The following TBC1D19 variants were observed in gnomAD, a reference collection of about 807,000 sequenced individuals.
The protein encoded by TBC1D19 is TBC1 domain family member 19, also known as TBC1 domain family, member 19.
TBC1D19 carries 60 observed loss-of-function variants against 89.0 expected under a neutral mutation model. That is an observed-to-expected ratio of 0.67 (90% CI 0.55 to 0.84). The LOEUF (loss-of-function observed/expected upper bound fraction) is 0.84. Among genes scored for constraint, TBC1D19 ranks in the 40% least tolerant of loss-of-function variants. TBC1D19 has a pLI of 0.00. For synonymous variants in TBC1D19, 189 were observed against 199.7 expected (o/e 0.95, Z 0.45); for missense variants, 500 against 610.8 (o/e 0.82, Z 1.91).
At chr4:26,726,551 A>C (rs1362390395) in intron 15 of TBC1D19, among the ~76,000 whole-genome samples, 2 of 152,240 alleles carry the variant, frequency 1.3e-5, no homozygotes, top group African/African-American at 4.8e-5. Context: ...AAATAGAGTA[A>C]CAAAACCATA....
chr4:26,726,095 G>C (rs543723312), intron 15 of TBC1D19, among the ~76,000 whole-genome samples: 3 of 149,508 alleles, frequency 2.0e-5, no homozygotes, highest in Admixed American at 6.7e-5. Flanking sequence ...GTACTCTAGA[G>C]CAGTAATTCT....
intron 15 of TBC1D19, among the ~76,000 whole-genome samples, chr4:26,730,873 T>G (rs918129669): frequency 9.9e-5 from 15 of 152,186 alleles, no homozygotes; most frequent in Non-Finnish European, 1.8e-4. Context: ...AAAGAGAACA[T>G]GCAGGCTCTG....
intron 15 of TBC1D19, among the ~76,000 whole-genome samples, chr4:26,728,838 C>T (rs1208381291): frequency 6.6e-6 from 1 of 151,892 alleles, no homozygotes; most frequent in Non-Finnish European, 1.5e-5. Context: ...ATGGTGAAAC[C>T]CCGTCTCTAC....
chr4:26,821,023 T>C, the TBC1D19 span, among the ~76,000 whole-genome samples: 1 of 152,246 alleles, frequency 6.6e-6, no homozygotes, highest in African/African-American at 2.4e-5. Flanking sequence ...TCTGTATCCC[T>C]CTGGCCCCTA....
intron 13 of TBC1D19, among the ~76,000 whole-genome samples, chr4:26,696,465 C>T (rs919068069): frequency 6.6e-6 from 1 of 152,158 alleles, no homozygotes; most frequent in Non-Finnish European, 1.5e-5. Context: ...AGAAAGTTAG[C>T]AAGGATATCC....
chr4:26,787,032 G>C, the TBC1D19 span, among the ~76,000 whole-genome samples: 1 of 151,902 alleles, frequency 6.6e-6, no homozygotes, highest in Non-Finnish European at 1.5e-5. Flanking sequence ...CAAGCTTGTT[G>C]AGAAAATTGA....
chr4:26,734,777 G>T (rs1717860287), intron 15 of TBC1D19, among the ~76,000 whole-genome samples: 1 of 152,038 alleles, frequency 6.6e-6, no homozygotes, highest in Non-Finnish European at 1.5e-5. Flanking sequence ...TGTTTCAGGA[G>T]GGACATAATC....
At chr4:26,646,827 C>T (rs189844556) in intron 7 of TBC1D19, among the ~76,000 whole-genome samples, 3 of 152,192 alleles carry the variant, frequency 2.0e-5, no homozygotes, top group East Asian at 3.9e-4. Flanking sequence ...AGGAGAAATA[C>T]CTAATGTAAA....
chr4:26,593,979 C>T (rs1375936427), intron 1 of TBC1D19, among the ~76,000 whole-genome samples: 1 of 152,168 alleles, frequency 6.6e-6, no homozygotes, highest in African/African-American at 2.4e-5. Flanking sequence ...ACCCAGCCAT[C>T]CCATTACTGG....
intron 1 of TBC1D19, 35 bp downstream of exon 1, chr4:26,584,327 G>C: frequency 6.4e-7 from 1 of 1,571,536 alleles, no homozygotes; most frequent in Non-Finnish European, 8.7e-7. Context: ...ATGCAGACGG[G>C]CGGGGCCGCG....
the TBC1D19 span, among the ~76,000 whole-genome samples, chr4:26,841,442 G>A: frequency 6.6e-6 from 1 of 151,512 alleles, no homozygotes; most frequent in African/African-American, 2.4e-5. Context: ...TACCCCCTGT[G>A]ATCCAAGTCC....
intron 7 of TBC1D19, among the ~76,000 whole-genome samples, chr4:26,656,678 C>T (rs1744840818): frequency 1.3e-5 from 2 of 151,948 alleles, no homozygotes; most frequent in South Asian, 4.2e-4. Flanking sequence ...CCTGCCTCAG[C>T]CTCCCGAGTA....
At chr4:26,748,042 G>A (rs1043270692) in intron 18 of TBC1D19, among the ~76,000 whole-genome samples, 5 of 151,958 alleles carry the variant, frequency 3.3e-5, no homozygotes, top group African/African-American at 9.7e-5. Flanking sequence ...CAAGTATTTT[G>A]AATAAAAATT....
intron 13 of TBC1D19, among the ~76,000 whole-genome samples, chr4:26,717,168 C>G (rs1163541365): frequency 6.6e-6 from 1 of 152,036 alleles, no homozygotes; most frequent in Non-Finnish European, 1.5e-5. Flanking sequence ...GCTAGTTCAG[C>G]CTGACTCTGT....
At chr4:26,615,310 T>C (rs1170649426) in intron 3 of TBC1D19, among the ~76,000 whole-genome samples, 2 of 152,190 alleles carry the variant, frequency 1.3e-5, no homozygotes, top group Admixed American at 1.3e-4. Flanking sequence ...TCTCCAACAT[T>C]CTGTTACTTG....
chr4:26,577,695 C>A (rs973591878), intron 1 of TBC1D19, among the ~76,000 whole-genome samples: 8 of 152,122 alleles, frequency 5.3e-5, no homozygotes, highest in African/African-American at 1.9e-4. Context: ...GAAGACACAA[C>A]AGGGCATGTT....
chr4:26,786,416 C>T, the TBC1D19 span, among the ~76,000 whole-genome samples: 4 of 152,178 alleles, frequency 2.6e-5, no homozygotes, highest in East Asian at 3.9e-4. Context: ...AGGTGGATCA[C>T]GAGGTCAGGA....
intron 1 of TBC1D19, among the ~76,000 whole-genome samples, chr4:26,600,274 G>A (rs1740507316): frequency 6.6e-6 from 1 of 152,172 alleles, no homozygotes; most frequent in African/African-American, 2.4e-5. Flanking sequence ...ACCATGGAGT[G>A]CTGTGATACT....
chr4:26,786,983 C>T, the TBC1D19 span, among the ~76,000 whole-genome samples: 45 of 152,120 alleles, frequency 3.0e-4, no homozygotes, highest in Non-Finnish European at 5.1e-4. Flanking sequence ...CAAACACAAT[C>T]GCCTCACTTA....
Sources: gnomAD v4.1 joint callset for allele counts (sites outside exome capture counted in the v4.1 genomes callset) on GRCh38, gnomAD v4.1.1 for gene constraint, MANE v1.5 for transcripts, NCBI Gene and HGNC (gene_info 2026-07-23, HGNC 2026-07-21) for gene names.